PCLO: variants seen among roughly 807,000 people sequenced by gnomAD.
PCLO encodes protein piccolo.
In PCLO, 82 loss-of-function variants were observed where a neutral mutation model predicts 427.5. The ratio of observed to expected loss-of-function variants is 0.19; its 90% CI spans 0.16 to 0.23. The LOEUF (loss-of-function observed/expected upper bound fraction) is 0.23, where lower values mean the gene tolerates loss of function less well. Among genes scored for constraint, PCLO ranks in the 10% least tolerant of loss-of-function variants. PCLO has a pLI of 1.00. For synonymous variants in PCLO, 2,357 were observed against 2,155.4 expected (o/e 1.09, Z -2.59); for missense variants, 6,239 against 6,115.9 (o/e 1.02, Z -0.67).
intron 9 of PCLO, among the ~76,000 whole-genome samples, chr7:82,894,910 CAG>C (rs1793864343): frequency 6.6e-6 from 1 of 151,946 alleles, no homozygotes; most frequent in Admixed American, 6.6e-5. Flanking sequence ...TGGCAGAAAC[CAG>C]AGAGAGCCCA....
intron 22 of PCLO, among the ~76,000 whole-genome samples, chr7:82,791,086 A>T (rs1481767203): frequency 6.6e-6 from 1 of 152,192 alleles, no homozygotes; most frequent in East Asian, 1.9e-4. Context: ...GGAATAGCAT[A>T]AATACGGTAA....
At chr7:82,758,788 T>G in intron 24 of PCLO, 73 bp from the exon 25 acceptor site, 2 of 869,822 alleles carry the variant, frequency 2.3e-6, no homozygotes, top group Non-Finnish European at 3.5e-6. Context: ...CAACCTTTTT[T>G]AAGGACATTT....
intron 22 of PCLO, among the ~76,000 whole-genome samples, chr7:82,775,460 G>C (rs1441526604): frequency 6.6e-6 from 1 of 152,098 alleles, no homozygotes; most frequent in Non-Finnish European, 1.5e-5. Flanking sequence ...TATCACTGTT[G>C]TTTAATTTGC....
Position 82,854,723 on chromosome 7 carries a change from A to G in PCLO, c.13655-7476T>C, listed in dbSNP as rs144553012. ...TTTAGATAAATGTTATACAGCATGG[A>G]TATCTTTTTAAATCGCTCAGAGTTA... On this transcript the variant is annotated intron_variant, in intron 10 of 24. Coordinates refer to ENST00000333891, the MANE Select transcript of PCLO (RefSeq NM_033026.6). Among the ~76,000 whole-genome samples, 303 of 152,236 alleles carry G rather than the reference A, an allele frequency of 2.0e-3. 2 individuals carry two copies. In the Middle Eastern group the frequency reaches 0.051, roughly 26 times the overall value.
At chr7:83,097,241 G>A (rs1356971504) in intron 3 of PCLO, among the ~76,000 whole-genome samples, 2 of 130,590 alleles carry the variant, frequency 1.5e-5, no homozygotes, top group Non-Finnish European at 3.1e-5. Flanking sequence ...AAAATATTTC[G>A]GCCAGGCACA....
rs1349932720 is a variant in PCLO at position 83,096,977 on chromosome 7, T to TAA, written c.3300+37272_3300+37273insTT. The stretch of plus-strand genomic sequence containing the variant: ...AAATAATATAATATAATATATTATA[T>TAA]ATTATATAAATAATATATATTATAT... On this transcript the variant is annotated intron_variant, in intron 3 of 24. Coordinates refer to ENST00000333891, the MANE Select transcript of PCLO (RefSeq NM_033026.6). 1.1e-4 allele frequency among the ~76,000 whole-genome samples: 5 copies of TAA among 44,704 alleles called. 2 individuals are homozygous for TAA. The highest frequency in any genetic ancestry group is 1.0e-3 in the South Asian group (2 of 1,956). The allele number at this position is 44,704 out of a possible 152,430, so 29.3% of individuals were successfully genotyped here. A position where few individuals can be genotyped will look rare whatever the true frequency, so the allele number is the denominator to read the frequency against.
chr7:83,054,293 C>A (rs571488194), intron 3 of PCLO, among the ~76,000 whole-genome samples: 2 of 152,142 alleles, frequency 1.3e-5, no homozygotes, highest in Non-Finnish European at 2.9e-5. Context: ...ATGCAATACA[C>A]AGACACAAAA....
chr7:83,058,586 TCAAA>T (rs1328634728), intron 3 of PCLO, among the ~76,000 whole-genome samples: 1 of 152,184 alleles, frequency 6.6e-6, no homozygotes, highest in Non-Finnish European at 1.5e-5. Flanking sequence ...CTAATATTTA[TCAAA>T]CACTTAATCT....
Position 83,162,783 on chromosome 7 carries a change from C to A in PCLO, c.-191G>T. 1.5e-6 allele frequency: 1 copy of A among 679,808 alleles called. No homozygotes were observed. The highest frequency in any genetic ancestry group is 3.0e-5 in the East Asian group (1 of 33,800). 42.1% of individuals were successfully genotyped at this position (679,808 alleles called of 1,614,324 possible). A position where few individuals can be genotyped will look rare whatever the true frequency, so the allele number is the denominator to read the frequency against. On this transcript the variant is annotated 5_prime_UTR_variant, in exon 1 of 25. Coordinates refer to ENST00000333891, the MANE Select transcript of PCLO (RefSeq NM_033026.6). Reference sequence around the variant, plus strand: ...GTTAGTCCCGCTCGCAGGTAACGCCCGCTGCCGGTGCCTCCTCCATGTTGG... The same window carrying A: ...GTTAGTCCCGCTCGCAGGTAACGCCAGCTGCCGGTGCCTCCTCCATGTTGG...
chr7:82,951,457 C>A lies in PCLO; in HGVS notation c.9131G>T (p.Gly3044Val), dbSNP rs542712269. 7 of 1,581,944 alleles carry A rather than the reference C, an allele frequency of 4.4e-6. No homozygotes were observed. The highest frequency in any genetic ancestry group is 6.0e-6 in the Non-Finnish European group (7 of 1,162,674). Reference protein sequence around the residue: ...EVMDYSSKTTGPYPETRQVIS... With the variant: ...EVMDYSSKTTVPYPETRQVIS... ...GACTTGTCGTGTTTCTGGATATGGA[C>A]CTGTAGTCTTGCTTGAATAATCCAT... The change falls in exon 6 of 25, where the codon GGT becomes GTT. Residue 3044 changes from glycine to valine, a missense_variant. Around this residue, in one of 5 missense-constraint regions of PCLO, gnomAD observed 4,677 missense variants for 4,468.4 expected, o/e 1.05. Coordinates refer to ENST00000333891, the MANE Select transcript of PCLO (RefSeq NM_033026.6).
At chr7:82,843,471 T>C (rs2115793683) in intron 13 of PCLO, among the ~76,000 whole-genome samples, 1 of 152,218 alleles carries the variant, frequency 6.6e-6, no homozygotes, top group East Asian at 1.9e-4. Flanking sequence ...AGCTCTGTTA[T>C]ACAACATGGT....
At chr7:83,024,553 T>A (rs1257928761) in intron 3 of PCLO, among the ~76,000 whole-genome samples, 1 of 152,084 alleles carries the variant, frequency 6.6e-6, no homozygotes, top group Non-Finnish European at 1.5e-5. Flanking sequence ...TTGCCCAGGC[T>A]TGATTAGGTA....
intron 6 of PCLO, among the ~76,000 whole-genome samples, chr7:82,938,694 T>C (rs1392218153): frequency 6.6e-6 from 1 of 151,952 alleles, no homozygotes; most frequent in Non-Finnish European, 1.5e-5. Flanking sequence ...CACTGGAAAA[T>C]GAATATCAAT....
At chr7:82,825,421 G>C (rs572075810) in intron 18 of PCLO, among the ~76,000 whole-genome samples, 1 of 152,078 alleles carries the variant, frequency 6.6e-6, no homozygotes, top group African/African-American at 2.4e-5. Flanking sequence ...GGATGGAACT[G>C]GAAGGTAAGG....
chr7:82,904,449 T>G (rs1205254897), intron 8 of PCLO, among the ~76,000 whole-genome samples: 1 of 152,034 alleles, frequency 6.6e-6, no homozygotes, highest in African/African-American at 2.4e-5. Flanking sequence ...TCATATGCAT[T>G]GAAAATTTTG....
intron 22 of PCLO, among the ~76,000 whole-genome samples, chr7:82,800,908 T>C (rs1490274709): frequency 6.6e-6 from 1 of 152,004 alleles, no homozygotes; most frequent in Non-Finnish European, 1.5e-5. Flanking sequence ...TTTATCACAG[T>C]ATTATGAAAG....
At chr7:82,790,927 C>T (rs1358009361) in intron 22 of PCLO, among the ~76,000 whole-genome samples, 1 of 152,164 alleles carries the variant, frequency 6.6e-6, no homozygotes, top group Non-Finnish European at 1.5e-5. Context: ...TTAACACACT[C>T]TCTCAATGTT....
At chr7:83,091,173 T>G (rs1790368817) in intron 3 of PCLO, among the ~76,000 whole-genome samples, 1 of 152,126 alleles carries the variant, frequency 6.6e-6, no homozygotes, top group South Asian at 2.1e-4. Context: ...TCCTTACCAT[T>G]AAGTAAGGAT....
At chr7:82,894,033 T>C (rs915169936) in intron 9 of PCLO, among the ~76,000 whole-genome samples, 1 of 151,986 alleles carries the variant, frequency 6.6e-6, no homozygotes, top group Non-Finnish European at 1.5e-5. Context: ...ATAAAAATCT[T>C]ATACAATCAA....
Sources: allele counts gnomAD v4.1 joint callset (sites outside exome capture counted in the v4.1 genomes callset), GRCh38; gene constraint gnomAD v4.1.1; regional missense constraint gnomAD v4.1.1; transcripts MANE v1.5; gene names NCBI Gene and HGNC (gene_info 2026-07-23, HGNC 2026-07-21).